PTPRN2: variants seen among roughly 807,000 people sequenced by gnomAD.
The protein encoded by PTPRN2 is receptor-type tyrosine-protein phosphatase N2.
A neutral mutation model predicts 118.8 loss-of-function variants in PTPRN2; 74 were observed. The ratio of observed to expected loss-of-function variants is 0.62; its 90% CI spans 0.52 to 0.76. PTPRN2 has a LOEUF of 0.76. PTPRN2 is among the 30% of genes least tolerant of loss of function. The pLI is 0.00. For synonymous variants in PTPRN2, 641 were observed against 608.0 expected (o/e 1.05, Z -0.80); for missense variants, 1,481 against 1,394.4 (o/e 1.06, Z -0.99).
chr7:158,141,512 C>G (rs143517513), intron 6 of PTPRN2, among the ~76,000 whole-genome samples: 1 of 152,230 alleles, frequency 6.6e-6, no homozygotes, highest in Non-Finnish European at 1.5e-5. Flanking sequence ...ACACAAGTGC[C>G]GATGGCCTGT....
intron 1 of PTPRN2, among the ~76,000 whole-genome samples, chr7:158,511,259 A>G (rs553998968): frequency 3.3e-5 from 5 of 152,270 alleles, no homozygotes; most frequent in African/African-American, 1.2e-4. Flanking sequence ...CAGGATGGCT[A>G]CGCAATGCTA....
At position 157,861,749 on chromosome 7, in the gene PTPRN2, G is replaced by C. The variant is rs1237766565; in HGVS notation, c.1788+36924C>G. Among the ~76,000 whole-genome samples, 2 of 152,214 alleles carry C rather than the reference G, an allele frequency of 1.3e-5. No individual in the cohort carries two copies. The highest frequency in any genetic ancestry group is 2.9e-5 in the Non-Finnish European group (2 of 68,040). On this transcript the variant is annotated intron_variant, in intron 12 of 22. Coordinates refer to ENST00000389418, the MANE Select transcript of PTPRN2 (RefSeq NM_002847.5). The surrounding 1 kb of genome is among the most constrained non-coding windows in gnomAD (Gnocchi z 5.8). ...GCCTCTGCGTTGCCAGCAGCCCTCG[G>C]CCCACAGACACAGCGCTTCCCTCCT...
chr7:157,562,968 G>T (rs1382278272), intron 21 of PTPRN2, among the ~76,000 whole-genome samples: 1 of 131,310 alleles, frequency 7.6e-6, no homozygotes, highest in Non-Finnish European at 1.6e-5. Context: ...AGGACCACGT[G>T]CTCCCGCTTC....
In PTPRN2 at chr7:158,316,679, G is replaced by A. The variant is rs543378262; in HGVS notation, c.277+140C>T. On this transcript the variant is annotated intron_variant, in intron 3 of 22. Transcript: ENST00000389418. ...AGTAGGAAGCACCCATGAGCCCAGC[G>A]CCCGGCTCCCACCTGCCCCTTCCAC... 684 of 634,752 alleles carry A rather than the reference G, an allele frequency of 1.1e-3. 6 individuals are homozygous for A. In the East Asian group the frequency reaches 0.018, roughly 17 times the overall value. 39.3% of individuals were successfully genotyped at this position (634,752 alleles called of 1,614,324 possible). A position where few individuals can be genotyped will look rare whatever the true frequency, so the allele number is the denominator to read the frequency against.
Position 158,271,119 on chromosome 7 carries a change from C to T in PTPRN2, c.277+45700G>A, listed in dbSNP as rs115943709. On this transcript the variant is annotated intron_variant, in intron 3 of 22. Transcript: ENST00000389418. Reference sequence around the variant, plus strand: ...GGGCTGCCCCCTCCACCTGGACCACCCCCTCCACCTGGGGTGTGCCAGAGG... The same window carrying T: ...GGGCTGCCCCCTCCACCTGGACCACTCCCTCCACCTGGGGTGTGCCAGAGG... Among the ~76,000 whole-genome samples the T allele has an allele frequency of 1.2e-3, 175 of 150,718 alleles. 1 individual carries two copies. Among genetic ancestry groups the T allele is most frequent in the African/African-American group, 4.1e-3 (170 of 41,084 alleles).
At chr7:158,441,776 G>A (rs111219750) in intron 2 of PTPRN2, among the ~76,000 whole-genome samples, 3 of 50,016 alleles carry the variant, frequency 6.0e-5, no homozygotes, top group Non-Finnish European at 1.3e-4. Flanking sequence ...CATGGCAGTG[G>A]TGGTGATGGT....
chr7:157,725,773 T>A (rs2952642), intron 12 of PTPRN2, among the ~76,000 whole-genome samples: 1 of 46,378 alleles, frequency 2.2e-5, no homozygotes, highest in Admixed American at 1.9e-4. Context: ...CGCAGAGGAC[T>A]GCGGCCAGAC....
chr7:157,793,607 TC>T (rs1804666007), intron 12 of PTPRN2, among the ~76,000 whole-genome samples: 2 of 152,278 alleles, frequency 1.3e-5, no homozygotes, highest in South Asian at 4.1e-4. Flanking sequence ...ATGCTCGCCC[TC>T]CGGCTGTCAG....
intron 11 of PTPRN2, among the ~76,000 whole-genome samples, chr7:158,076,113 A>G (rs1055743765): frequency 1.3e-5 from 2 of 152,110 alleles, no homozygotes; most frequent in African/African-American, 4.8e-5. Flanking sequence ...CATGGAGGCA[A>G]TTTTCTCAGC....
At position 157,785,522 on chromosome 7, in the gene PTPRN2, C is replaced by T. The variant is rs1199116989; in HGVS notation, c.1789-102585G>A. Among the ~76,000 whole-genome samples, 3 of 152,200 alleles carry T rather than the reference C, an allele frequency of 2.0e-5. No individual in the cohort carries two copies. The highest frequency in any genetic ancestry group is 6.5e-5 in the Admixed American group (1 of 15,292). On this transcript the variant is annotated intron_variant, in intron 12 of 22. Transcript: ENST00000389418. The surrounding 1 kb of genome is among the most constrained non-coding windows in gnomAD (Gnocchi z 7.3). ...GGCCTCCCCAGGACCAGAGCGCCTG[C>T]GACCTGCCTGGGTGCCATCCGCAAA...
chr7:158,501,024 C>T (rs190999119), intron 1 of PTPRN2, among the ~76,000 whole-genome samples: 186 of 152,360 alleles, frequency 1.2e-3, no homozygotes, highest in Non-Finnish European at 1.8e-3. Context: ...GCCTCCCGCT[C>T]GGAGTCCAAA....
intron 12 of PTPRN2, among the ~76,000 whole-genome samples, chr7:157,753,805 C>T (rs1190362769): frequency 6.6e-6 from 1 of 152,222 alleles, no homozygotes; most frequent in Non-Finnish European, 1.5e-5. Context: ...CTGGCATCTG[C>T]AACCGTGCCC....
intron 11 of PTPRN2, among the ~76,000 whole-genome samples, chr7:158,012,548 T>C (rs1806127449): frequency 6.6e-6 from 1 of 152,246 alleles, no homozygotes; most frequent in African/African-American, 2.4e-5. Flanking sequence ...GCAGTGGCCC[T>C]GGACTGCTGC....
At chr7:158,271,735 G>A (rs779324830) in intron 3 of PTPRN2, among the ~76,000 whole-genome samples, 26 of 152,210 alleles carry the variant, frequency 1.7e-4, no homozygotes, top group Non-Finnish European at 3.8e-4. Flanking sequence ...CGGTGTCGGT[G>A]AGCGCCCACT....
intron 6 of PTPRN2, among the ~76,000 whole-genome samples, chr7:158,141,611 G>T (rs73514428): frequency 6.0e-4 from 92 of 152,282 alleles, no homozygotes; most frequent in African/African-American, 2.1e-3. Flanking sequence ...TTGCTACACG[G>T]CTGTAAGGAC....
intron 9 of PTPRN2, among the ~76,000 whole-genome samples, chr7:158,121,276 G>A (rs1044841803): frequency 2.0e-5 from 3 of 152,232 alleles, no homozygotes; most frequent in Non-Finnish European, 1.5e-5. Context: ...GGCTAGGACC[G>A]ACCACACCAC....
chr7:157,985,592 G>C (rs1803721834), intron 11 of PTPRN2, among the ~76,000 whole-genome samples: 2 of 152,230 alleles, frequency 1.3e-5, no homozygotes, highest in Admixed American at 6.5e-5. Context: ...TATGATCCCT[G>C]CTTGGAGACT....
At chr7:158,372,839 A>G (rs891162897) in intron 2 of PTPRN2, among the ~76,000 whole-genome samples, 1 of 152,268 alleles carries the variant, frequency 6.6e-6, no homozygotes, top group African/African-American at 2.4e-5. Flanking sequence ...AAAGGCATGC[A>G]TAGTCCTGAC....
At chr7:158,041,752 C>A (rs1808490538) in intron 11 of PTPRN2, among the ~76,000 whole-genome samples, 1 of 152,154 alleles carries the variant, frequency 6.6e-6, no homozygotes, top group Admixed American at 6.5e-5. Flanking sequence ...AAAGAGAAAC[C>A]TGCGTGCTTG....
Sources: gnomAD v4.1 joint callset for allele counts (sites outside exome capture counted in the v4.1 genomes callset) on GRCh38, gnomAD v4.1.1 for gene constraint, Gnocchi (gnomAD v3.1) non-coding constraint, MANE v1.5 for transcripts, NCBI Gene and HGNC (gene_info 2026-07-23, HGNC 2026-07-21) for gene names.